Variants in PCDH15 observed in about 807,000 individuals in gnomAD.
PCDH15 encodes protocadherin related 15.
Under a neutral mutation model 178.5 loss-of-function variants are expected in PCDH15, and 129 were observed. That is an observed-to-expected ratio of 0.72 (90% confidence interval 0.63 to 0.84). The LOEUF (loss-of-function observed/expected upper bound fraction) is 0.84, where lower values mean the gene tolerates loss of function less well. Among genes scored for constraint, PCDH15 ranks in the 40% least tolerant of loss-of-function variants. The pLI, the probability that PCDH15 is intolerant of heterozygous loss-of-function variation, is 0.00. For synonymous variants in PCDH15, 800 were observed against 732.0 expected (o/e 1.09, Z -1.50); for missense variants, 2,230 against 2,099.9 (o/e 1.06, Z -1.21).
At chr10:55,024,428 T>G (rs1206039224) in intron 2 of PCDH15, among the ~76,000 whole-genome samples, 1 of 144,344 alleles carries the variant, frequency 6.9e-6, no homozygotes, top group African/African-American at 2.5e-5. Context: ...TAGAAAGAGA[T>G]AAAGGGATAA....
chr10:55,255,504 T>G (rs1335873405), intron 1 of PCDH15, among the ~76,000 whole-genome samples: 2 of 152,208 alleles, frequency 1.3e-5, no homozygotes, highest in Non-Finnish European at 1.5e-5. Context: ...TATTTCTAGT[T>G]CTAGATCCCT....
chr10:54,183,373 C>A, intron 13 of PCDH15, 71 bp downstream of exon 13: 2 of 1,397,256 alleles, frequency 1.4e-6, no homozygotes, highest in Non-Finnish European at 2.0e-6. Context: ...GTAATTTCTT[C>A]ATGAGCATAT....
At chr10:54,274,670 T>G (rs2058249680) in intron 8 of PCDH15, among the ~76,000 whole-genome samples, 4 of 149,794 alleles carry the variant, frequency 2.7e-5, no homozygotes, top group African/African-American at 9.8e-5. Context: ...AAAGTCACCC[T>G]AAGCACACTG....
intron 3 of PCDH15, among the ~76,000 whole-genome samples, chr10:54,865,118 C>A (rs116307547): frequency 2.0e-5 from 3 of 151,970 alleles, no homozygotes; most frequent in South Asian, 4.1e-4. Context: ...GGTATGTCTG[C>A]GAGGGTGTTG....
intron 21 of PCDH15, among the ~76,000 whole-genome samples, chr10:53,974,162 G>C (rs1485254107): frequency 1.3e-5 from 2 of 152,002 alleles, no homozygotes; most frequent in Non-Finnish European, 2.9e-5. Context: ...CGATTACAGG[G>C]ACGCTCCATG....
chr10:54,282,193 CAA>C lies in PCDH15; in HGVS notation c.876+35076_876+35077del, dbSNP rs1214008694. On this transcript the variant is annotated intron_variant, in intron 8 of 37. Coordinates refer to ENST00000644397, the MANE Select transcript of PCDH15 (RefSeq NM_001384140.1). ...GGTTTTAACACCACCTGGAAACCTG[CAA>C]AGTCTCAGGTTTCACCCCAGGTCTA... 2.0e-5 allele frequency among the ~76,000 whole-genome samples: 3 copies of C among 152,074 alleles called. No homozygotes were observed. The East Asian group carries it at 5.8e-4, about 29-fold the overall frequency.
intron 3 of PCDH15, among the ~76,000 whole-genome samples, chr10:54,859,194 G>A (rs370104793): frequency 1.3e-5 from 2 of 151,856 alleles, no homozygotes; most frequent in African/African-American, 4.8e-5. Context: ...AGCTGATTCC[G>A]TTTGTAAAGA....
chr10:54,724,493 T>C (rs1942154094), intron 1 of PCDH15, among the ~76,000 whole-genome samples: 1 of 151,442 alleles, frequency 6.6e-6, no homozygotes, highest in South Asian at 2.1e-4. Context: ...AATATAATTA[T>C]GTAACAAATA....
At chr10:54,862,652 T>C (rs531299595) in intron 3 of PCDH15, among the ~76,000 whole-genome samples, 1 of 152,310 alleles carries the variant, frequency 6.6e-6, no homozygotes, top group African/African-American at 2.4e-5. Context: ...AGATTCTGAC[T>C]CTTTCAGGAA....
At chr10:54,391,297 TA>T (rs2135315178) in intron 3 of PCDH15, among the ~76,000 whole-genome samples, 1 of 152,306 alleles carries the variant, frequency 6.6e-6, no homozygotes, top group Non-Finnish European at 1.5e-5. Flanking sequence ...AGCCACATGC[TA>T]TGTGAATCTC....
chr10:54,849,756 T>G (rs1953582097), intron 3 of PCDH15, among the ~76,000 whole-genome samples: 1 of 152,156 alleles, frequency 6.6e-6, no homozygotes, highest in Non-Finnish European at 1.5e-5. Flanking sequence ...CCAACCTAAA[T>G]AGATTGGAAT....
intron 1 of PCDH15, among the ~76,000 whole-genome samples, chr10:55,318,493 A>G (rs574885436): frequency 2.4e-4 from 37 of 152,266 alleles, no homozygotes; most frequent in African/African-American, 8.7e-4. Flanking sequence ...TCGAAAGTTC[A>G]ATGGATAAAT....
intron 17 of PCDH15, among the ~76,000 whole-genome samples, chr10:54,068,447 G>T (rs2135829239): frequency 6.6e-6 from 1 of 152,126 alleles, no homozygotes; most frequent in South Asian, 2.1e-4. Flanking sequence ...TCAAAATCTG[G>T]AAACAACCCA....
chr10:55,306,685 CT>C (rs1304715497), intron 1 of PCDH15, among the ~76,000 whole-genome samples: 2 of 152,168 alleles, frequency 1.3e-5, no homozygotes, highest in Non-Finnish European at 2.9e-5. Context: ...AATTAGAACT[CT>C]AATAAGAGAT....
rs189075713 is a variant in PCDH15, at chr10:54,771,764, G to A, written c.-29+29161C>T. Among the ~76,000 whole-genome samples, 30 of 152,158 alleles carry A rather than the reference G, an allele frequency of 2.0e-4. 1 individual carries two copies. The East Asian group carries it at 5.8e-3, about 29-fold the overall frequency. ...AAACTCAGCAGACAGAGGACAGGTT[G>A]AGGTTTGATTTATATTCACACTTCC... On this transcript the variant is annotated intron_variant, in intron 1 of 37. Transcript: ENST00000644397.
At chr10:54,543,554 A>C (rs1311841077) in intron 2 of PCDH15, among the ~76,000 whole-genome samples, 2 of 152,228 alleles carry the variant, frequency 1.3e-5, no homozygotes, top group Admixed American at 6.5e-5. Context: ...TAAAGAAGTG[A>C]CAAGGGATGG....
intron 2 of PCDH15, among the ~76,000 whole-genome samples, chr10:54,974,424 C>T (rs976557678): frequency 3.3e-5 from 5 of 151,072 alleles, no homozygotes; most frequent in Non-Finnish European, 7.4e-5. Flanking sequence ...TACTTTATGT[C>T]CATAAAAAAT....
chr10:54,447,219 A>G (rs1303932739), intron 3 of PCDH15, among the ~76,000 whole-genome samples: 1 of 151,566 alleles, frequency 6.6e-6, no homozygotes, highest in Non-Finnish European at 1.5e-5. Flanking sequence ...TCACCTAGTT[A>G]CTATTTTTGT....
At chr10:54,514,119 C>A (rs1264168319) in intron 3 of PCDH15, among the ~76,000 whole-genome samples, 1 of 152,172 alleles carries the variant, frequency 6.6e-6, no homozygotes, top group Non-Finnish European at 1.5e-5. Flanking sequence ...ATAAGATTTA[C>A]AGAGGATATT....
Sources: gnomAD v4.1 joint callset for allele counts (sites outside exome capture counted in the v4.1 genomes callset) on GRCh38, gnomAD v4.1.1 for gene constraint, MANE v1.5 for transcripts, NCBI Gene and HGNC (gene_info 2026-07-23, HGNC 2026-07-21) for gene names.